JPH2: variants seen among roughly 807,000 people sequenced by gnomAD.
JPH2 encodes junctophilin-2.
JPH2 carries 38 observed loss-of-function variants against 55.9 expected under a neutral mutation model. That is an observed-to-expected ratio of 0.68 (90% CI 0.52 to 0.89). The LOEUF is 0.89. JPH2 is among the 40% of genes least tolerant of loss of function. JPH2 has a pLI of 0.00. For synonymous variants in JPH2, 480 were observed against 472.4 expected (o/e 1.02, Z -0.21); for missense variants, 964 against 1,037.6 (o/e 0.93, Z 0.97).
At chr20:44,143,393 G>A (rs74398108) in intron 2 of JPH2, among the ~76,000 whole-genome samples, 12,016 of 152,206 alleles carry the variant, frequency 0.079, 518 homozygotes, top group Non-Finnish European at 0.092. Flanking sequence ...AGGGTCCCAC[G>A]CAAGCACAGC....
intron 1 of JPH2, among the ~76,000 whole-genome samples, chr20:44,178,626 G>T (rs560713293): frequency 9.9e-5 from 15 of 151,962 alleles, no homozygotes; most frequent in Non-Finnish European, 1.6e-4. Context: ...TTTTGTTTTT[G>T]AGACAGGGTC....
chr20:44,180,328 T>G (rs2072769654), intron 1 of JPH2, among the ~76,000 whole-genome samples: 1 of 151,388 alleles, frequency 6.6e-6, no homozygotes, highest in East Asian at 1.9e-4. Context: ...TTATTATTAT[T>G]ATATTTATTT....
At chr20:44,180,706 T>C (rs2072774747) in intron 1 of JPH2, among the ~76,000 whole-genome samples, 1 of 152,184 alleles carries the variant, frequency 6.6e-6, no homozygotes, top group Non-Finnish European at 1.5e-5. Flanking sequence ...TGGAACTTAT[T>C]TGAGCCAGAG....
chr20:44,134,623 TATATTTA>T (rs1466144722), intron 2 of JPH2, among the ~76,000 whole-genome samples: 1 of 68,226 alleles, frequency 1.5e-5, no homozygotes, highest in Non-Finnish European at 2.4e-5. Context: ...ATAATAAATA[TATATTTA>T]TTATAAATAT....
intron 1 of JPH2, among the ~76,000 whole-genome samples, chr20:44,174,445 A>C (rs1179882911): frequency 6.6e-6 from 1 of 152,176 alleles, no homozygotes; most frequent in East Asian, 1.9e-4. Context: ...TCTACATGTA[A>C]ATACTGTTTG....
At chr20:44,120,718 C>T (rs1346560912) in intron 2 of JPH2, among the ~76,000 whole-genome samples, 2 of 152,160 alleles carry the variant, frequency 1.3e-5, no homozygotes, top group Admixed American at 1.3e-4. Context: ...TACACTAACA[C>T]TAACGATAGC....
At chr20:44,165,650 T>G (rs1282467548) in intron 1 of JPH2, among the ~76,000 whole-genome samples, 1 of 152,200 alleles carries the variant, frequency 6.6e-6, no homozygotes, top group Non-Finnish European at 1.5e-5. Flanking sequence ...TTCACTCCTC[T>G]GTGCTCCTCT....
chr20:44,152,985 C>T (rs2072542077), intron 2 of JPH2, among the ~76,000 whole-genome samples: 1 of 152,178 alleles, frequency 6.6e-6, no homozygotes, highest in African/African-American at 2.4e-5. Context: ...GAAAGTCTTC[C>T]TTTTCAATAA....
chr20:44,114,659 G>A (rs1319273133), intron 5 of JPH2, 123 bp downstream of exon 5: 1 of 699,972 alleles, frequency 1.4e-6, no homozygotes, highest in Non-Finnish European at 2.5e-6. Context: ...AGGTGGGTGG[G>A]CCTCAATTAG....
At chr20:44,164,212 G>T (rs186862524) in intron 1 of JPH2, among the ~76,000 whole-genome samples, 1 of 152,302 alleles carries the variant, frequency 6.6e-6, no homozygotes, top group Admixed American at 6.5e-5. Flanking sequence ...GATGAAAAAT[G>T]GGAAGTTGGA....
At chr20:44,174,371 G>C (rs1193700473) in intron 1 of JPH2, among the ~76,000 whole-genome samples, 1 of 152,138 alleles carries the variant, frequency 6.6e-6, no homozygotes, top group Non-Finnish European at 1.5e-5. Flanking sequence ...GCTACATTCT[G>C]GAAAACTGTG....
At chr20:44,174,706 G>A (rs1468740752) in intron 1 of JPH2, among the ~76,000 whole-genome samples, 1 of 151,926 alleles carries the variant, frequency 6.6e-6, no homozygotes, top group Admixed American at 6.6e-5. Flanking sequence ...CCCAAGAAGC[G>A]GAGGTTGCAG....
At chr20:44,120,049 G>A (rs1332843133) in intron 2 of JPH2, among the ~76,000 whole-genome samples, 2 of 152,012 alleles carry the variant, frequency 1.3e-5, no homozygotes, top group African/African-American at 2.4e-5. Context: ...GTCTCCAGCT[G>A]AGACCACATC....
At chr20:44,171,668 T>A (rs2072699624) in intron 1 of JPH2, among the ~76,000 whole-genome samples, 1 of 152,196 alleles carries the variant, frequency 6.6e-6, no homozygotes, top group African/African-American at 2.4e-5. Flanking sequence ...TCTGCCTGCC[T>A]GTGCGGCCTC....
Position 44,115,868 on chromosome 20 carries a change from G to A in JPH2, c.1807C>T (p.Pro603Ser). The A allele has an allele frequency of 6.3e-7, 1 of 1,586,504 alleles. No homozygotes were observed. The highest frequency in any genetic ancestry group is 8.5e-7 in the Non-Finnish European group (1 of 1,171,994). Residue 603 changes from proline (P) to serine (S), a missense_variant, in exon 4 of 6, where the codon CCG becomes TCG. Pro to Ser is a moderately conservative substitution (Grantham distance 74). Coordinates refer to ENST00000372980, the MANE Select transcript of JPH2 (RefSeq NM_020433.5). ...CCTCGGAGCGTGGGGGCCTGCAGCGGGGCGGTGGCCGGGGACGAGGGCGCG... is the reference window on the plus strand; with the variant it reads ...CCTCGGAGCGTGGGGGCCTGCAGCGAGGCGGTGGCCGGGGACGAGGGCGCG... Reference protein sequence around the residue: ...ESAPSSPATAPLQAPTLRGPE... With the variant: ...ESAPSSPATASLQAPTLRGPE...
At chr20:44,170,483 A>T (rs1000517844) in intron 1 of JPH2, among the ~76,000 whole-genome samples, 2 of 152,240 alleles carry the variant, frequency 1.3e-5, no homozygotes, top group Non-Finnish European at 2.9e-5. Flanking sequence ...CATGGCAGAT[A>T]CAGAGTGAGC....
rs1569192234 is a variant in JPH2 at position 44,133,983 on chromosome 20, A to ATATTATTATAAATATATATAAATATG, written c.1170-15361_1170-15360insCATATTTATATATATTTATAATAATA. On this transcript the variant is annotated intron_variant, in intron 2 of 5. Coordinates refer to ENST00000372980, the MANE Select transcript of JPH2 (RefSeq NM_020433.5). ...AATATATATTATAATATATAAATATATATTATTATAAATATATATAAATAT... is the reference window on the plus strand; with the variant it reads ...AATATATATTATAATATATAAATATATATTATTATAAATATATATAAATATGTATTATTATAAATATATATAAATAT... Among the ~76,000 whole-genome samples, 10 of 53,948 alleles carry ATATTATTATAAATATATATAAATATG rather than the reference A, an allele frequency of 1.9e-4. 2 individuals carry two copies. Among genetic ancestry groups the ATATTATTATAAATATATATAAATATG allele is most frequent in the Non-Finnish European group, 3.1e-4 (10 of 32,348 alleles). 35.4% of individuals were successfully genotyped at this position (53,948 alleles called of 152,430 possible). A position where few individuals can be genotyped will look rare whatever the true frequency, so the allele number is the denominator to read the frequency against.
chr20:44,178,888 T>C (rs1397647240), intron 1 of JPH2, among the ~76,000 whole-genome samples: 1 of 152,206 alleles, frequency 6.6e-6, no homozygotes, highest in Non-Finnish European at 1.5e-5. Context: ...GCAAGGAACA[T>C]GTATCACAGG....
chr20:44,185,865 G>A (rs554069209), intron 1 of JPH2, among the ~76,000 whole-genome samples: 2 of 151,920 alleles, frequency 1.3e-5, no homozygotes, highest in African/African-American at 4.8e-5. Flanking sequence ...GTGGATTGGT[G>A]TGTGGATAGA....
Sources: allele counts gnomAD v4.1 joint callset (sites outside exome capture counted in the v4.1 genomes callset), GRCh38; gene constraint gnomAD v4.1.1; transcripts MANE v1.5; gene names NCBI Gene and HGNC (gene_info 2026-07-23, HGNC 2026-07-21).